ROBO2: variants seen among roughly 807,000 people sequenced by gnomAD.
The protein encoded by ROBO2 is roundabout homolog 2.
In ROBO2, 53 loss-of-function variants were observed where a neutral mutation model predicts 160.8. The observed-to-expected ratio is 0.33, with a 90% confidence interval of 0.26 to 0.41. ROBO2 has a LOEUF of 0.41. Ranked by LOEUF, ROBO2 falls within the 10% of genes least tolerant of loss-of-function variation. The pLI, the probability that ROBO2 is intolerant of heterozygous loss-of-function variation, is 1.00. For missense variants in ROBO2, 1,577 were observed against 1,722.4 expected, an observed-to-expected ratio of 0.92 and a Z score of 1.49; for synonymous variants, 664 against 611.7, an observed-to-expected ratio of 1.09 and a Z score of -1.26.
At chr3:76,814,251 G>A (rs760668861) in intron 2 of ROBO2, among the ~76,000 whole-genome samples, 5 of 152,118 alleles carry the variant, frequency 3.3e-5, no homozygotes, top group African/African-American at 4.8e-5. Flanking sequence ...TGGATATGGT[G>A]ATGGAGTAAC....
At chr3:75,925,034 A>C (rs6549825) in intron 1 of ROBO2, among the ~76,000 whole-genome samples, 133,860 of 151,918 alleles carry the variant, frequency 0.88, 59,052 homozygotes, top group East Asian at 0.93. Context: ...ATAATGAGAA[A>C]CATCGAGTAA....
intron 2 of ROBO2, among the ~76,000 whole-genome samples, chr3:76,151,223 T>C (rs1189477444): frequency 6.6e-6 from 1 of 152,158 alleles, no homozygotes; most frequent in East Asian, 1.9e-4. Flanking sequence ...GAGTCTCTCA[T>C]CCCTAGCAGA....
At chr3:77,407,176 G>C (rs2076322733) in intron 2 of ROBO2, among the ~76,000 whole-genome samples, 3 of 152,012 alleles carry the variant, frequency 2.0e-5, no homozygotes, top group Admixed American at 6.6e-5. Context: ...CAAAGGAATG[G>C]ACAGTATTCA....
At chr3:76,772,404 GTATTTA>G (rs914559735) in intron 2 of ROBO2, among the ~76,000 whole-genome samples, 25 of 148,116 alleles carry the variant, frequency 1.7e-4, no homozygotes, top group African/African-American at 5.9e-4. Context: ...GCATCTATGT[GTATTTA>G]TATGCACACA....
intron 2 of ROBO2, among the ~76,000 whole-genome samples, chr3:77,230,346 A>T (rs113818483): frequency 6.6e-6 from 1 of 151,994 alleles, no homozygotes; most frequent in Non-Finnish European, 1.5e-5. Flanking sequence ...GGCCTCCTAA[A>T]TTGCTGGGAT....
chr3:76,380,357 TGA>T (rs2076556422), intron 2 of ROBO2, among the ~76,000 whole-genome samples: 1 of 152,138 alleles, frequency 6.6e-6, no homozygotes, highest in Non-Finnish European at 1.5e-5. Flanking sequence ...TGAATAGAGA[TGA>T]ATAAAATTTG....
At chr3:76,293,496 TG>T (rs1389013692) in intron 2 of ROBO2, among the ~76,000 whole-genome samples, 3 of 152,082 alleles carry the variant, frequency 2.0e-5, no homozygotes, top group African/African-American at 7.2e-5. Context: ...CAGTTCAAGC[TG>T]ATGTGCAGAA....
chr3:77,621,929 A>G (rs777032260), intron 22 of ROBO2, among the ~76,000 whole-genome samples: 1 of 152,174 alleles, frequency 6.6e-6, no homozygotes, highest in Non-Finnish European at 1.5e-5. Context: ...CTCGTGGCGA[A>G]TATTCCTAGT....
intron 2 of ROBO2, among the ~76,000 whole-genome samples, chr3:76,771,084 C>A (rs922914259): frequency 1.3e-5 from 2 of 151,262 alleles, no homozygotes; most frequent in African/African-American, 2.4e-5. Context: ...TTTTAAAAGA[C>A]AGGGTTTGTG....
intron 2 of ROBO2, among the ~76,000 whole-genome samples, chr3:75,941,777 A>C (rs1372912210): frequency 1.3e-5 from 2 of 152,142 alleles, no homozygotes; most frequent in Non-Finnish European, 2.9e-5. Context: ...TAAGGGGCAA[A>C]ATTTTGGAAA....
intron 2 of ROBO2, among the ~76,000 whole-genome samples, chr3:76,798,151 A>G (rs1475012332): frequency 6.7e-6 from 1 of 148,724 alleles, no homozygotes; most frequent in African/African-American, 2.5e-5. Flanking sequence ...AGAAAGAAAG[A>G]AAGAAAGAAA....
intron 2 of ROBO2, among the ~76,000 whole-genome samples, chr3:76,317,356 C>A (rs2072119668): frequency 6.6e-6 from 1 of 152,120 alleles, no homozygotes; most frequent in South Asian, 2.1e-4. Flanking sequence ...TTTACTATAT[C>A]ATTTAAATGT....
chr3:77,580,455 C>G (rs1003762713), intron 16 of ROBO2, among the ~76,000 whole-genome samples: 1 of 152,130 alleles, frequency 6.6e-6, no homozygotes, highest in African/African-American at 2.4e-5. Flanking sequence ...GAGAGACCAT[C>G]ATGTTTCAAA....
intron 2 of ROBO2, among the ~76,000 whole-genome samples, chr3:76,947,497 C>G (rs961703389): frequency 2.6e-5 from 4 of 152,150 alleles, no homozygotes; most frequent in African/African-American, 9.7e-5. Context: ...GATTTTTCCT[C>G]CAACACGTTT....
chr3:77,129,076 T>C (rs2075609263), intron 2 of ROBO2, among the ~76,000 whole-genome samples: 1 of 152,076 alleles, frequency 6.6e-6, no homozygotes, highest in African/African-American at 2.4e-5. Flanking sequence ...TGTTTTCTCC[T>C]TTTGGAGTGC....
intron 6 of ROBO2, among the ~76,000 whole-genome samples, chr3:77,526,663 A>G (rs1329366291): frequency 1.3e-5 from 2 of 151,506 alleles, no homozygotes; most frequent in African/African-American, 4.8e-5. Flanking sequence ...GCCTATTACC[A>G]CTGATTTTAG....
At chr3:77,128,943 A>C in intron 2 of ROBO2, among the ~76,000 whole-genome samples, 1 of 152,146 alleles carries the variant, frequency 6.6e-6, no homozygotes, top group East Asian at 1.9e-4. Flanking sequence ...TCCTTTGCTA[A>C]TATGATAGGT....
intron 2 of ROBO2, among the ~76,000 whole-genome samples, chr3:77,432,419 A>G (rs1426000576): frequency 1.3e-5 from 2 of 152,168 alleles, no homozygotes; most frequent in African/African-American, 4.8e-5. Flanking sequence ...TATTAAATAT[A>G]GTTTTTAGTT....
intron 2 of ROBO2, among the ~76,000 whole-genome samples, chr3:76,093,386 T>G (rs994874483): frequency 4.6e-5 from 7 of 151,298 alleles, no homozygotes; most frequent in Non-Finnish European, 1.0e-4. Context: ...ATTCATACAA[T>G]TTTCTTTCTG....
Sources: allele counts gnomAD v4.1 joint callset (sites outside exome capture counted in the v4.1 genomes callset), GRCh38; gene constraint gnomAD v4.1.1; transcripts MANE v1.5; gene names NCBI Gene and HGNC (gene_info 2026-07-23, HGNC 2026-07-21).